MARCHF1: variants seen among roughly 807,000 people sequenced by gnomAD.
MARCHF1 encodes the protein membrane associated ring-CH-type finger 1, also known as E3 ubiquitin-protein ligase MARCHF1.
MARCHF1 carries 40 observed loss-of-function variants against 54.2 expected under a neutral mutation model. The observed-to-expected ratio is 0.74, with a 90% CI of 0.57 to 0.96. The LOEUF (loss-of-function observed/expected upper bound fraction) is 0.96. Among genes scored for constraint, MARCHF1 ranks in the 40% least tolerant of loss-of-function variants. The probability of loss-of-function intolerance (pLI) is 0.00; values close to 1 mark genes in which losing one functional copy is unlikely to be tolerated. For missense variants in MARCHF1, 586 were observed against 656.5 expected (o/e 0.89, Z 1.17); for synonymous variants, 236 against 236.3 (o/e 1.00, Z 0.01).
intron 1 of MARCHF1, among the ~76,000 whole-genome samples, chr4:164,319,982 T>C (rs998045916): frequency 2.0e-5 from 3 of 151,906 alleles, no homozygotes; most frequent in Admixed American, 1.3e-4. Flanking sequence ...ATATGTATAA[T>C]TTTTTTTACT....
At chr4:163,667,755 A>G (rs555663771) in intron 5 of MARCHF1, among the ~76,000 whole-genome samples, 1 of 152,020 alleles carries the variant, frequency 6.6e-6, no homozygotes, top group African/African-American at 2.4e-5. Context: ...CCTCCCGAGT[A>G]ACTGGAATTA....
At chr4:164,223,449 T>C (rs1732167848) in intron 1 of MARCHF1, among the ~76,000 whole-genome samples, 2 of 152,016 alleles carry the variant, frequency 1.3e-5, no homozygotes, top group East Asian at 1.9e-4. Context: ...GTTTGAATAA[T>C]GGGTGCAATA....
chr4:163,698,678 A>C (rs996156253), intron 5 of MARCHF1, among the ~76,000 whole-genome samples: 4 of 152,244 alleles, frequency 2.6e-5, no homozygotes, highest in African/African-American at 9.6e-5. Flanking sequence ...TTCTTAAAGC[A>C]TTAAATACTA....
intron 3 of MARCHF1, among the ~76,000 whole-genome samples, chr4:163,876,838 G>A (rs1451342383): frequency 6.6e-6 from 1 of 152,038 alleles, no homozygotes; most frequent in Non-Finnish European, 1.5e-5. Context: ...AGGTAAGTCA[G>A]GAAATTAACT....
chr4:164,083,454 G>A (rs1373003916), intron 2 of MARCHF1, among the ~76,000 whole-genome samples: 3 of 152,044 alleles, frequency 2.0e-5, no homozygotes, highest in African/African-American at 7.2e-5. Flanking sequence ...GGCTCATAAG[G>A]AAGCAACATG....
At chr4:164,175,541 G>A (rs2110990771) in intron 1 of MARCHF1, among the ~76,000 whole-genome samples, 1 of 152,318 alleles carries the variant, frequency 6.6e-6, no homozygotes, top group South Asian at 2.1e-4. Flanking sequence ...TCAAATCCCA[G>A]TCAGCTGTTG....
At chr4:163,969,663 A>T (rs1752511322) in intron 3 of MARCHF1, among the ~76,000 whole-genome samples, 1 of 152,218 alleles carries the variant, frequency 6.6e-6, no homozygotes, top group South Asian at 2.1e-4. Context: ...AAACGACATG[A>T]AACAGAAATA....
intron 1 of MARCHF1, among the ~76,000 whole-genome samples, chr4:164,349,167 C>T (rs1034694636): frequency 7.9e-5 from 12 of 152,102 alleles, no homozygotes; most frequent in Non-Finnish European, 1.5e-4. Flanking sequence ...AATAGATCTG[C>T]CCTGACTCAT....
At chr4:164,244,111 T>C (rs1053976287) in intron 1 of MARCHF1, among the ~76,000 whole-genome samples, 7 of 152,022 alleles carry the variant, frequency 4.6e-5, no homozygotes, top group African/African-American at 1.7e-4. Context: ...GCGGACCTGA[T>C]AGACATCTAC....
At chr4:163,812,149 T>G (rs553758024) in intron 4 of MARCHF1, among the ~76,000 whole-genome samples, 1 of 152,160 alleles carries the variant, frequency 6.6e-6, no homozygotes, top group East Asian at 1.9e-4. Flanking sequence ...TGGGCTTTCT[T>G]GGGTCCCCAG....
chr4:164,118,807 T>C (rs968079071), intron 1 of MARCHF1, among the ~76,000 whole-genome samples: 5 of 150,708 alleles, frequency 3.3e-5, no homozygotes, highest in Non-Finnish European at 5.9e-5. Context: ...CCAAAAACAC[T>C]AAAACAGGTA....
At chr4:163,985,607 G>C (rs936450476) in intron 3 of MARCHF1, among the ~76,000 whole-genome samples, 3 of 152,042 alleles carry the variant, frequency 2.0e-5, no homozygotes, top group African/African-American at 7.2e-5. Context: ...ATGATTGACA[G>C]TTTTCTAATT....
At chr4:164,295,720 T>C (rs1734393875) in intron 1 of MARCHF1, among the ~76,000 whole-genome samples, 1 of 152,176 alleles carries the variant, frequency 6.6e-6, no homozygotes. Flanking sequence ...TTTGTAAGCA[T>C]AAATGTCACA....
chr4:164,271,203 T>C (rs1733739259), intron 1 of MARCHF1, among the ~76,000 whole-genome samples: 1 of 152,274 alleles, frequency 6.6e-6, no homozygotes, highest in Admixed American at 6.5e-5. Flanking sequence ...TGTGAATATG[T>C]TACACTGAAT....
At chr4:163,719,729 G>T (rs968722300) in intron 4 of MARCHF1, among the ~76,000 whole-genome samples, 4 of 151,830 alleles carry the variant, frequency 2.6e-5, no homozygotes, top group African/African-American at 9.7e-5. Context: ...CATTCTAACT[G>T]GGGTGAGATG....
chr4:164,206,294 G>A (rs1006767021), intron 1 of MARCHF1, among the ~76,000 whole-genome samples: 16 of 152,120 alleles, frequency 1.1e-4, no homozygotes, highest in Admixed American at 1.3e-4. Flanking sequence ...AAAATTAGCC[G>A]GGCACGATAG....
rs186889407 is a variant in MARCHF1 at position 163,721,966 on chromosome 4, G to A, written c.112-21103C>T. ...TAGTGGTCTATCAATTTTGTTGATC[G>A]TTTCAAAAAACCAGTTCCTGGATTC... is the stretch of plus-strand genomic sequence containing the variant. On this transcript the variant is annotated intron_variant, in intron 4 of 9. Coordinates refer to ENST00000514618, the MANE Select transcript of MARCHF1 (RefSeq NM_001394959.1). Among the ~76,000 whole-genome samples, 88 of 151,792 alleles carry A rather than the reference G, an allele frequency of 5.8e-4. 1 individual carries two copies. The highest frequency in any genetic ancestry group is 1.7e-3 in the African/African-American group (71 of 41,352).
intron 1 of MARCHF1, chr4:164,329,904 A>G (rs778069225): frequency 6.6e-6 from 1 of 152,264 alleles, no homozygotes; most frequent in African/African-American, 2.4e-5. Flanking sequence ...TAGGGATTAC[A>G]ATTTAACATG....
At chr4:164,116,680 A>G (rs568162035) in intron 1 of MARCHF1, among the ~76,000 whole-genome samples, 2 of 152,232 alleles carry the variant, frequency 1.3e-5, no homozygotes, top group South Asian at 4.1e-4. Flanking sequence ...GCTAGTAACT[A>G]TCATCCTGAA....
Sources: gnomAD v4.1 joint callset for allele counts (sites outside exome capture counted in the v4.1 genomes callset) on GRCh38, gnomAD v4.1.1 for gene constraint, MANE v1.5 for transcripts, NCBI Gene and HGNC (gene_info 2026-07-23, HGNC 2026-07-21) for gene names.